The following ATP1A1 variants were observed in gnomAD, a reference collection of about 807,000 sequenced individuals.
The protein encoded by ATP1A1 is sodium/potassium-transporting ATPase subunit alpha-1.
Under a neutral mutation model 114.8 loss-of-function variants are expected in ATP1A1, and 14 were observed. The ratio of observed to expected loss-of-function variants is 0.12; its 90% confidence interval spans 0.08 to 0.19. ATP1A1 has a LOEUF of 0.19. Among genes scored for constraint, ATP1A1 ranks in the 10% least tolerant of loss-of-function variants. ATP1A1 has a pLI of 1.00. For missense variants in ATP1A1, 524 were observed against 1,290.7 expected (o/e 0.41, Z 9.10); for synonymous variants, 471 against 466.3 (o/e 1.01, Z -0.13).
In ATP1A1 at chr1:116,389,143, G is replaced by A. The variant is rs1652282700; in HGVS notation, c.754+124G>A. 2.0e-6 allele frequency: 2 copies of A among 1,015,232 alleles called. No homozygotes were observed. Among genetic ancestry groups the A allele is most frequent in the African/African-American group, 1.6e-5 (1 of 61,292 alleles). The allele number at this position is 1,015,232 out of a possible 1,614,324, so 62.9% of individuals were successfully genotyped here. A position where few individuals can be genotyped will look rare whatever the true frequency, so the allele number is the denominator to read the frequency against. Reference sequence around the variant, plus strand: ...TTTCTGAGAACTTGTGTCAAGCACAGAGCAGAGGTGTTTTCCTAGCTGGCA... The same window carrying A: ...TTTCTGAGAACTTGTGTCAAGCACAAAGCAGAGGTGTTTTCCTAGCTGGCA... On this transcript the variant is annotated intron_variant, in intron 7 of 22. Transcript: ENST00000295598. This position sits in a 1 kb window ranked among gnomAD's most constrained non-coding sequence, Gnocchi z 6.9.
chr1:116,384,814 A>T lies in ATP1A1; in HGVS notation c.155A>T (p.His52Leu). 1 of 1,613,212 alleles carries T rather than the reference A, an allele frequency of 6.2e-7. No individual in the cohort carries two copies. The highest frequency in any genetic ancestry group is 1.1e-5 in the South Asian group (1 of 90,762). Residue 52 changes from histidine to leucine, a missense_variant, in exon 3 of 23, where the codon CAT (histidine) becomes CTT (leucine). By Grantham distance (99) the His-to-Leu change is moderately conservative (BLOSUM62 -3). Around this residue, in one of 8 missense-constraint regions of ATP1A1, gnomAD observed 141 missense variants for 316.6 expected, o/e 0.45. Transcript: ENST00000295598. The surrounding 1 kb of genome is among the most constrained non-coding windows in gnomAD (Gnocchi z 5.1). ...CATAAACTTAGCCTTGATGAACTTC[A>T]TCGTAAATATGGAACAGACTTGAGC... ...DDHKLSLDEL[H>L]RKYGTDLSRG...
chr1:116,386,712 C>T (rs565544434), intron 3 of ATP1A1, among the ~76,000 whole-genome samples: 5 of 152,172 alleles, frequency 3.3e-5, no homozygotes, highest in Admixed American at 6.5e-5. Context: ...GAGTACTTTT[C>T]AGTCAACAGG....
Position 116,398,527 on chromosome 1 carries a change from T to A in ATP1A1, c.2125-94T>A. On this transcript the variant is annotated intron_variant, in intron 15 of 22. Coordinates refer to ENST00000295598, the MANE Select transcript of ATP1A1 (RefSeq NM_000701.8). The surrounding 1 kb of genome is among the most constrained non-coding windows in gnomAD (Gnocchi z 6.1). ...TAGTCTCAATAGGAAAGGAGCAGTGTCTGTAATGAGTGCTCAGTGGGGGCA... is the reference window on the plus strand; with the variant it reads ...TAGTCTCAATAGGAAAGGAGCAGTGACTGTAATGAGTGCTCAGTGGGGGCA... The A allele has an allele frequency of 1.4e-6, 2 of 1,450,068 alleles. No individual in the cohort carries two copies. The highest frequency in any genetic ancestry group is 9.4e-7 in the Non-Finnish European group (1 of 1,063,586). The allele number at this position is 1,450,068 out of a possible 1,614,324, so 89.8% of individuals were successfully genotyped here.
rs77990511 is a variant in ATP1A1, at chr1:116,397,859, C to CT, written c.1974-14dup. On this transcript the variant is annotated intron_variant, in intron 14 of 22. Coordinates refer to ENST00000295598, the MANE Select transcript of ATP1A1 (RefSeq NM_000701.8). The surrounding 1 kb of genome is among the most constrained non-coding windows in gnomAD (Gnocchi z 4.2). The stretch of plus-strand genomic sequence containing the variant: ...CACATGCTGGTGATGTGATGCGTGA[C>CT]TTTTTTTTTTTTTTTGTCCTAATTC... 0.078 allele frequency: 103,782 copies of CT among 1,335,412 alleles called. 243 individuals are homozygous for CT. Among genetic ancestry groups the CT allele is most frequent in the African/African-American group, 0.12 (7,785 of 67,494 alleles). The allele number at this position is 1,335,412 out of a possible 1,614,324, so 82.7% of individuals were successfully genotyped here.
chr1:116,392,350 T>A (rs148535121), intron 10 of ATP1A1: 1 of 152,606 alleles, frequency 6.6e-6, no homozygotes, highest in Admixed American at 6.5e-5. Flanking sequence ...CACAGTCTTC[T>A]ACTTTGCCCT....
In ATP1A1 at chr1:116,401,760, T is replaced by C. The variant is rs1653497623; in HGVS notation, c.2951+105T>C. ...GTTATTTTCAGAATTTTGAGTGGTA[T>C]GTACAAAAATTCCTATGGGTTGGAA... On this transcript the variant is annotated intron_variant, in intron 21 of 22. Coordinates refer to ENST00000295598, the MANE Select transcript of ATP1A1 (RefSeq NM_000701.8). This position sits in a 1 kb window ranked among gnomAD's most constrained non-coding sequence, Gnocchi z 4.7. 8.6e-7 allele frequency: 1 copy of C among 1,166,578 alleles called. No individual in the cohort carries two copies. Among genetic ancestry groups the C allele is most frequent in the Non-Finnish European group, 1.2e-6 (1 of 802,962 alleles). 72.3% of individuals were successfully genotyped at this position (1,166,578 alleles called of 1,614,324 possible).
Position 116,385,046 on chromosome 1 carries a change from A to G in ATP1A1, c.183+204A>G. 1 of 558,270 alleles carries G rather than the reference A, an allele frequency of 1.8e-6. No individual in the cohort carries two copies. The allele number at this position is 558,270 out of a possible 1,614,324, so 34.6% of individuals were successfully genotyped here. A position where few individuals can be genotyped will look rare whatever the true frequency, so the allele number is the denominator to read the frequency against. ...CTGAAACTTTTTGAAAGTAGATGTT[A>G]TTTTCTTTTCCCTATTTTATAGCAG... On this transcript the variant is annotated intron_variant, in intron 3 of 22. Coordinates refer to ENST00000295598, the MANE Select transcript of ATP1A1 (RefSeq NM_000701.8). This position sits in a 1 kb window ranked among gnomAD's most constrained non-coding sequence, Gnocchi z 4.3.
In ATP1A1 at chr1:116,384,650, C is replaced by A; in HGVS notation, c.124-133C>A. On this transcript the variant is annotated intron_variant, in intron 2 of 22. Coordinates refer to ENST00000295598, the MANE Select transcript of ATP1A1 (RefSeq NM_000701.8). The surrounding 1 kb of genome is among the most constrained non-coding windows in gnomAD (Gnocchi z 5.1). The stretch of plus-strand genomic sequence containing the variant: ...CACAAAGCGATGGTGAAAATTGTAC[C>A]AACTTATGCACTGAAGAAAACATCT... 1.4e-6 allele frequency: 1 copy of A among 729,790 alleles called. No homozygotes were observed. The highest frequency in any genetic ancestry group is 2.2e-6 in the Non-Finnish European group (1 of 454,664). The allele number at this position is 729,790 out of a possible 1,614,324, so 45.2% of individuals were successfully genotyped here. A position where few individuals can be genotyped will look rare whatever the true frequency, so the allele number is the denominator to read the frequency against.
At chr1:116,394,866 A>G (rs1488136720) in intron 12 of ATP1A1, among the ~76,000 whole-genome samples, 2 of 152,200 alleles carry the variant, frequency 1.3e-5, no homozygotes, top group Non-Finnish European at 2.9e-5. Flanking sequence ...TCCACATTAA[A>G]CAATTTCCAA....
Position 116,387,395 on chromosome 1 carries a change from TG to T in ATP1A1, c.297del (p.Phe100SerfsTer41). 1 of 1,614,164 alleles carries T rather than the reference TG, an allele frequency of 6.2e-7. No individual in the cohort carries two copies. The highest frequency in any genetic ancestry group is 8.5e-7 in the Non-Finnish European group (1 of 1,180,030). ...EWIKFCRQLF[G>X]GFSMLLWIGA... is the part of the protein sequence containing the mutation. Reference sequence around the variant, plus strand: ...GGATCAAGTTTTGTCGGCAGCTCTTTGGGGGGTTCTCAATGTTACTGTGGAT... The same window carrying T: ...GGATCAAGTTTTGTCGGCAGCTCTTTGGGGGTTCTCAATGTTACTGTGGAT... On this transcript the variant is annotated frameshift_variant, in exon 4 of 23. Coordinates refer to ENST00000295598, the MANE Select transcript of ATP1A1 (RefSeq NM_000701.8). LOFTEE classifies it high-confidence loss of function. This position sits in a 1 kb window ranked among gnomAD's most constrained non-coding sequence, Gnocchi z 6.7.
intron 10 of ATP1A1, chr1:116,392,329 T>G (rs1228939362): frequency 6.6e-6 from 1 of 152,336 alleles, no homozygotes; most frequent in African/African-American, 2.4e-5. Context: ...TGCACAGTTA[T>G]GATTAGAATG....
chr1:116,402,709 C>G (rs1653601411), intron 21 of ATP1A1, among the ~76,000 whole-genome samples: 1 of 152,234 alleles, frequency 6.6e-6, no homozygotes, highest in African/African-American at 2.4e-5. Flanking sequence ...CCTTCCTCCC[C>G]ACATCCCTCC....
chr1:116,395,820 C>T lies in ATP1A1; in HGVS notation c.1836+535C>T, dbSNP rs1365914109. Among the ~76,000 whole-genome samples the T allele has an allele frequency of 1.3e-5, 2 of 152,122 alleles. No individual in the cohort carries two copies. Among genetic ancestry groups the T allele is most frequent in the African/African-American group, 2.4e-5 (1 of 41,418 alleles). On this transcript the variant is annotated intron_variant, in intron 13 of 22. Transcript: ENST00000295598. This position sits in a 1 kb window ranked among gnomAD's most constrained non-coding sequence, Gnocchi z 6.4. ...AGGCTGGAATGTCATAGCACGATCT[C>T]GGCTCACTGCAACCTCCGCCTCCCA...
chr1:116,399,493 C>G lies in ATP1A1; in HGVS notation c.2522C>G (p.Thr841Arg), dbSNP rs1557793103. ...AAGAGACAGCCCAGAAATCCCAAAA[C>G]AGACAAACTTGTGAATGAGCGGCTG... Reference protein sequence around the residue: ...IMKRQPRNPKTDKLVNERLIS... With the variant: ...IMKRQPRNPKRDKLVNERLIS... The change falls in exon 18 of 23, where the codon ACA becomes AGA. Residue 841 changes from threonine to arginine, a missense_variant. Thr to Arg is a moderately conservative substitution (Grantham distance 71). Around this residue, in one of 8 missense-constraint regions of ATP1A1, gnomAD observed 36 missense variants for 199.6 expected, o/e 0.18. Transcript: ENST00000295598. This position sits in a 1 kb window ranked among gnomAD's most constrained non-coding sequence, Gnocchi z 5.0. The G allele has an allele frequency of 1.9e-6, 3 of 1,614,132 alleles. No homozygotes were observed. The highest frequency in any genetic ancestry group is 1.7e-6 in the Non-Finnish European group (2 of 1,180,022).
chr1:116,389,081 A>C lies in ATP1A1; in HGVS notation c.754+62A>C. 1 of 1,410,984 alleles carries C rather than the reference A, an allele frequency of 7.1e-7. No individual in the cohort carries two copies. Among genetic ancestry groups the C allele is most frequent in the Non-Finnish European group, 1.0e-6 (1 of 1,000,826 alleles). 87.4% of individuals were successfully genotyped at this position (1,410,984 alleles called of 1,614,324 possible). A position where few individuals can be genotyped will look rare whatever the true frequency, so the allele number is the denominator to read the frequency against. On this transcript the variant is annotated intron_variant, in intron 7 of 22. Transcript: ENST00000295598. The surrounding 1 kb of genome is among the most constrained non-coding windows in gnomAD (Gnocchi z 6.9). ...ATTTCTCTTGGGCATTAACAAAATC[A>C]AAACCATAGGCACAATCTCTTGTTT...
chr1:116,374,605 T>C (rs1405151459), intron 1 of ATP1A1, among the ~76,000 whole-genome samples: 2 of 152,276 alleles, frequency 1.3e-5, no homozygotes, highest in South Asian at 2.1e-4. Flanking sequence ...TACCCCTAGC[T>C]ATTACCCGTG....
chr1:116,404,520 A>C lies in ATP1A1; in HGVS notation c.*76A>C. The C allele has an allele frequency of 2.6e-6, 4 of 1,535,966 alleles. No individual in the cohort carries two copies. Among genetic ancestry groups the C allele is most frequent in the Non-Finnish European group, 3.5e-6 (4 of 1,148,080 alleles). On this transcript the variant is annotated 3_prime_UTR_variant, in exon 23 of 23. Transcript: ENST00000295598. This position sits in a 1 kb window ranked among gnomAD's most constrained non-coding sequence, Gnocchi z 4.8. ...CACCCACCCCCTCTTTGTGTACTTC[A>C]GTCTTGGAGTTTGGAACTCTACCCT...
Position 116,385,051 on chromosome 1 carries a change from C to A in ATP1A1, c.183+209C>A. 1.8e-6 allele frequency: 1 copy of A among 546,744 alleles called. No individual in the cohort carries two copies. 33.9% of individuals were successfully genotyped at this position (546,744 alleles called of 1,614,324 possible). ...ACTTTTTGAAAGTAGATGTTATTTT[C>A]TTTTCCCTATTTTATAGCAGTTGAG... is the stretch of plus-strand genomic sequence containing the variant. On this transcript the variant is annotated intron_variant, in intron 3 of 22. Coordinates refer to ENST00000295598, the MANE Select transcript of ATP1A1 (RefSeq NM_000701.8). This position sits in a 1 kb window ranked among gnomAD's most constrained non-coding sequence, Gnocchi z 4.3.
At position 116,396,276 on chromosome 1, in the gene ATP1A1, CT is replaced by C. The variant is rs367825500; in HGVS notation, c.1837-301del. On this transcript the variant is annotated intron_variant, in intron 13 of 22. Transcript: ENST00000295598. ...GTCCCACCAGCATCAGATTTTTATCCTTTTTTTTTTTTTTTTTTTTTGCTGG... is the reference window on the plus strand; with the variant it reads ...GTCCCACCAGCATCAGATTTTTATCCTTTTTTTTTTTTTTTTTTTTGCTGG... 7.3e-3 allele frequency among the ~76,000 whole-genome samples: 747 copies of C among 102,628 alleles called. 3 individuals carry two copies. The highest frequency in any genetic ancestry group is 0.016 in the African/African-American group (385 of 24,648). The allele number at this position is 102,628 out of a possible 152,430, so 67.3% of individuals were successfully genotyped here.
Sources: gnomAD v4.1 joint callset for allele counts (sites outside exome capture counted in the v4.1 genomes callset) on GRCh38, gnomAD v4.1.1 for gene constraint, gnomAD v4.1.1 regional missense constraint, Gnocchi (gnomAD v3.1) non-coding constraint, MANE v1.5 for transcripts, NCBI Gene and HGNC (gene_info 2026-07-23, HGNC 2026-07-21) for gene names.